VTI1A: variants seen among roughly 807,000 people sequenced by gnomAD.
The protein encoded by VTI1A is vesicle transport through interaction with t-SNAREs homolog 1A.
A neutral mutation model predicts 34.9 loss-of-function variants in VTI1A; 22 were observed. The observed-to-expected ratio is 0.63, with a 90% CI of 0.45 to 0.90. The LOEUF (loss-of-function observed/expected upper bound fraction) is 0.90, where lower values mean the gene tolerates loss of function less well. VTI1A is among the 40% of genes least tolerant of loss of function. The pLI, the probability that VTI1A is intolerant of heterozygous loss-of-function variation, is 0.00. For synonymous variants in VTI1A, 87 were observed against 97.3 expected, an observed-to-expected ratio of 0.89 and a Z score of 0.62; for missense variants, 268 against 275.6, an observed-to-expected ratio of 0.97 and a Z score of 0.20.
At chr10:112,605,028 C>T (rs1030774999) in intron 5 of VTI1A, among the ~76,000 whole-genome samples, 3 of 152,112 alleles carry the variant, frequency 2.0e-5, no homozygotes, top group South Asian at 2.1e-4. Flanking sequence ...GAATTCCTTT[C>T]GGTATACATT....
At chr10:112,727,776 G>T (rs1351100647) in intron 7 of VTI1A, among the ~76,000 whole-genome samples, 1 of 151,922 alleles carries the variant, frequency 6.6e-6, no homozygotes, top group Admixed American at 6.6e-5. Context: ...AAAGGCAAAC[G>T]AGATATGGTC....
intron 7 of VTI1A, among the ~76,000 whole-genome samples, chr10:112,775,972 C>G (rs917594396): frequency 2.6e-5 from 4 of 152,350 alleles, no homozygotes; most frequent in South Asian, 2.1e-4. Context: ...GCAGCTTTCT[C>G]TGTCTTCGCA....
intron 7 of VTI1A, among the ~76,000 whole-genome samples, chr10:112,719,838 AC>A (rs1849739705): frequency 6.6e-6 from 1 of 152,110 alleles, no homozygotes; most frequent in South Asian, 2.1e-4. Flanking sequence ...GAGCCACGAC[AC>A]CCAGCCCAAT....
intron 7 of VTI1A, among the ~76,000 whole-genome samples, chr10:112,770,115 G>T (rs927722172): frequency 1.5e-4 from 22 of 151,724 alleles, no homozygotes; most frequent in African/African-American, 5.1e-4. Flanking sequence ...GGCGGAATCT[G>T]GCCATGGACT....
chr10:112,654,679 G>A (rs1406332599), intron 5 of VTI1A, among the ~76,000 whole-genome samples: 2 of 152,020 alleles, frequency 1.3e-5, no homozygotes, highest in Non-Finnish European at 2.9e-5. Context: ...ATTTTTAGTA[G>A]AGACGGGGTT....
intron 5 of VTI1A, among the ~76,000 whole-genome samples, chr10:112,608,530 T>C (rs1845174576): frequency 6.6e-6 from 1 of 152,158 alleles, no homozygotes; most frequent in Admixed American, 6.5e-5. Flanking sequence ...CATGTAGACA[T>C]GTGGGCAAAT....
At chr10:112,825,708 G>T in the VTI1A span, 3 of 152,208 alleles carry the variant, frequency 2.0e-5, no homozygotes, top group Non-Finnish European at 2.9e-5. Flanking sequence ...GAACCCTCAT[G>T]TCTAGGGAGC....
chr10:112,736,841 A>G, intron 7 of VTI1A: 1 of 1,048,528 alleles, frequency 9.5e-7, no homozygotes, highest in Non-Finnish European at 1.5e-6. Flanking sequence ...CTTCTCACTG[A>G]AAGAGCTGCC....
rs376369220 is a variant in VTI1A, at chr10:112,511,220, T to C, written c.265-15867T>C. On this transcript the variant is annotated intron_variant, in intron 3 of 7. Coordinates refer to ENST00000393077, the MANE Select transcript of VTI1A (RefSeq NM_145206.4). ...TTTGCTTATTTATTTATTTAATCTG[T>C]ACAAATGTATGGGATACATGTGAGG... Among the ~76,000 whole-genome samples, 12 of 151,934 alleles carry C rather than the reference T, an allele frequency of 7.9e-5. No homozygotes were observed. In the East Asian group the frequency reaches 1.7e-3, roughly 22 times the overall value.
At chr10:112,745,114 A>G (rs1176458140) in intron 7 of VTI1A, among the ~76,000 whole-genome samples, 3 of 152,144 alleles carry the variant, frequency 2.0e-5, no homozygotes, top group Non-Finnish European at 4.4e-5. Context: ...TTTTTTCCCT[A>G]TGTTTTTTGG....
At chr10:112,718,535 G>A (rs188864222) in intron 7 of VTI1A, among the ~76,000 whole-genome samples, 1 of 152,314 alleles carries the variant, frequency 6.6e-6, no homozygotes, top group Non-Finnish European at 1.5e-5. Context: ...GAAAACAGAA[G>A]TTGAGTTCTT....
At chr10:112,844,467 C>T in the VTI1A span, among the ~76,000 whole-genome samples, 7 of 152,296 alleles carry the variant, frequency 4.6e-5, no homozygotes, top group East Asian at 1.9e-4. Context: ...GGTTCAATCT[C>T]GGCTCACTGC....
At chr10:112,702,026 A>C (rs532659433) in intron 7 of VTI1A, among the ~76,000 whole-genome samples, 16 of 152,280 alleles carry the variant, frequency 1.1e-4, no homozygotes, top group African/African-American at 3.4e-4. Context: ...AGAAAGGAAA[A>C]GGGAACATAC....
intron 5 of VTI1A, among the ~76,000 whole-genome samples, chr10:112,657,658 A>C (rs1847281092): frequency 6.6e-6 from 1 of 152,244 alleles, no homozygotes; most frequent in African/African-American, 2.4e-5. Context: ...TAAAACTCTT[A>C]GAAGAAAATA....
chr10:112,746,019 T>C (rs1850881619), intron 7 of VTI1A, among the ~76,000 whole-genome samples: 1 of 152,216 alleles, frequency 6.6e-6, no homozygotes, highest in African/African-American at 2.4e-5. Context: ...CCCACCTTAG[T>C]GCTCAGTAAG....
intron 5 of VTI1A, among the ~76,000 whole-genome samples, chr10:112,564,134 A>G (rs75387938): frequency 1.6e-4 from 24 of 149,492 alleles, no homozygotes; most frequent in African/African-American, 5.4e-4. Context: ...TTTTTTTTTA[A>G]TTGACAAATC....
At chr10:112,798,148 C>A (rs1852741559) in intron 7 of VTI1A, among the ~76,000 whole-genome samples, 1 of 152,204 alleles carries the variant, frequency 6.6e-6, no homozygotes, top group Non-Finnish European at 1.5e-5. Context: ...TAGGTCAGTG[C>A]GGCTGTGAAC....
chr10:112,747,084 G>C (rs968881486), intron 7 of VTI1A, among the ~76,000 whole-genome samples: 1 of 152,172 alleles, frequency 6.6e-6, no homozygotes, highest in African/African-American at 2.4e-5. Flanking sequence ...GTCAGATTCG[G>C]GGGCCTGTGC....
chr10:112,846,411 T>G, the VTI1A span, among the ~76,000 whole-genome samples: 4 of 152,180 alleles, frequency 2.6e-5, no homozygotes, highest in Non-Finnish European at 4.4e-5. Context: ...AAACTTTCCG[T>G]GATGATGTTC....
Sources: allele counts gnomAD v4.1 joint callset (sites outside exome capture counted in the v4.1 genomes callset), GRCh38; gene constraint gnomAD v4.1.1; transcripts MANE v1.5; gene names NCBI Gene and HGNC (gene_info 2026-07-23, HGNC 2026-07-21).